NGDN: variants seen among roughly 807,000 people sequenced by gnomAD.
NGDN encodes the protein neuroguidin.
NGDN carries 41 observed loss-of-function variants against 45.2 expected under a neutral mutation model. The ratio of observed to expected loss-of-function variants is 0.91; its 90% confidence interval spans 0.71 to 1.18. The LOEUF is 1.18. Ranked by LOEUF, NGDN falls within the 50% of genes most tolerant of loss-of-function variation. NGDN has a pLI of 0.00. For missense variants in NGDN, 402 were observed against 399.9 expected, an observed-to-expected ratio of 1.01 and a Z score of -0.05; for synonymous variants, 137 against 130.9, an observed-to-expected ratio of 1.05 and a Z score of -0.32.
rs1287292119 is a variant in NGDN, at chr14:23,469,737, G to A, written c.12+10G>A. The A allele has an allele frequency of 3.7e-6, 6 of 1,614,192 alleles. No homozygotes were observed. In the South Asian group the frequency reaches 5.5e-5, roughly 15 times the overall value. On this transcript the variant is annotated intron_variant, in intron 1 of 10. Coordinates refer to ENST00000408901, the MANE Select transcript of NGDN (RefSeq NM_001042635.2). Reference sequence around the variant, plus strand: ...GAAGATGGCGGCGCTGGTGAGTTTGGTGTGGTTTCTTCCTCGCGTAGCTAT... The same window carrying A: ...GAAGATGGCGGCGCTGGTGAGTTTGATGTGGTTTCTTCCTCGCGTAGCTAT...
intron 10 of NGDN, 133 bp from the exon 11 acceptor site, chr14:23,477,873 TC>T: frequency 6.4e-7 from 1 of 1,563,684 alleles, no homozygotes; most frequent in South Asian, 1.2e-5. Context: ...TCGTCTTTTG[TC>T]CTGGGAAGAT....
rs998335248 is a variant in NGDN at position 23,473,622 on chromosome 14, C to T, written c.145-1549C>T. ...CAGGTGGATCACGAGGTCAGGAGTT[C>T]GAGACCAGCCTGGCCAACATGGCGA... On this transcript the variant is annotated intron_variant, in intron 3 of 10. Transcript: ENST00000408901. 7.2e-5 allele frequency among the ~76,000 whole-genome samples: 11 copies of T among 151,872 alleles called. No individual in the cohort carries two copies. The East Asian group carries it at 7.8e-4, about 11-fold the overall frequency.
At position 23,473,645 on chromosome 14, in the gene NGDN, C is replaced by T. The variant is rs143396735; in HGVS notation, c.145-1526C>T. Among the ~76,000 whole-genome samples the T allele has an allele frequency of 2.3e-3, 351 of 151,862 alleles. 7 individuals carry two copies. Among genetic ancestry groups the T allele is most frequent in the African/African-American group, 8.0e-3 (330 of 41,422 alleles). On this transcript the variant is annotated intron_variant, in intron 3 of 10. Transcript: ENST00000408901. ...TTCGAGACCAGCCTGGCCAACATGG[C>T]GAAACCCCGTCTCTTAAATCTTAAA...
intron 3 of NGDN, among the ~76,000 whole-genome samples, chr14:23,473,039 G>T (rs1159872099): frequency 6.6e-6 from 1 of 151,966 alleles, no homozygotes; most frequent in African/African-American, 2.4e-5. Context: ...TCCCTCTGTC[G>T]CCCCGGCTGG....
intron 10 of NGDN, 38 bp downstream of exon 10, chr14:23,477,598 G>A (rs771598220): frequency 1.9e-6 from 3 of 1,612,956 alleles, no homozygotes; most frequent in Non-Finnish European, 2.5e-6. Context: ...TCAGGTGCAA[G>A]GTGGGGAGTA....
intron 3 of NGDN, among the ~76,000 whole-genome samples, chr14:23,472,458 C>G (rs1049153422): frequency 4.6e-5 from 7 of 152,116 alleles, no homozygotes; most frequent in Admixed American, 1.3e-4. Flanking sequence ...CGTGATCATG[C>G]CACTGTGCTG....
intron 3 of NGDN, among the ~76,000 whole-genome samples, chr14:23,473,635 G>C (rs1006423713): frequency 1.3e-5 from 2 of 151,972 alleles, no homozygotes; most frequent in African/African-American, 4.8e-5. Flanking sequence ...GACCAGCCTG[G>C]CCAACATGGC....
chr14:23,469,814 G>C, intron 1 of NGDN, 87 bp downstream of exon 1: 1 of 1,550,472 alleles, frequency 6.4e-7, no homozygotes, highest in Non-Finnish European at 8.9e-7. Flanking sequence ...TTGGTACCAG[G>C]GAAGGGTGGT....
intron 3 of NGDN, among the ~76,000 whole-genome samples, chr14:23,474,526 G>C (rs1252102773): frequency 6.6e-6 from 1 of 151,544 alleles, no homozygotes; most frequent in Non-Finnish European, 1.5e-5. Context: ...CTTGTGTGTT[G>C]TCTTGTAGAC....
rs750629107 is a variant in NGDN, at chr14:23,475,688, T to A, written c.368-38T>A. The A allele has an allele frequency of 2.5e-6, 4 of 1,613,990 alleles. No individual in the cohort carries two copies. The South Asian group carries it at 4.4e-5, about 18-fold the overall frequency. On this transcript the variant is annotated intron_variant, in intron 5 of 10. Transcript: ENST00000408901. ...GAAGTTGTGGGGACCATCAGAAAGT[T>A]CCAAATTTTGTAAAATTCATTGGGT... is the stretch of plus-strand genomic sequence containing the variant.
intron 2 of NGDN, 120 bp downstream of exon 2, chr14:23,470,221 A>C (rs1178541620): frequency 4.8e-6 from 4 of 829,946 alleles, no homozygotes; most frequent in African/African-American, 1.7e-5. Context: ...GAGTAAAATG[A>C]TGTAATCAAA....
chr14:23,471,499 C>T (rs1893777150), intron 3 of NGDN: 1 of 152,320 alleles, frequency 6.6e-6, no homozygotes, highest in Non-Finnish European at 1.5e-5. Context: ...TTAATTGGGA[C>T]ATATCACTTA....
intron 3 of NGDN, among the ~76,000 whole-genome samples, chr14:23,471,763 A>T (rs564619578): frequency 1.3e-5 from 2 of 150,690 alleles, no homozygotes; most frequent in East Asian, 2.0e-4. Context: ...GTAAGCTGTG[A>T]TTGTGCCACT....
In NGDN at chr14:23,469,817, A is replaced by C. The variant is rs1257564986; in HGVS notation, c.12+90A>C. 3.2e-6 allele frequency: 5 copies of C among 1,543,786 alleles called. No individual in the cohort carries two copies. In the Admixed American group the frequency reaches 8.7e-5, roughly 27 times the overall value. ...GGAGGCAAACTGTTGGTACCAGGGA[A>C]GGGTGGTGATGAAAGTTGCTTCAGG... On this transcript the variant is annotated intron_variant, in intron 1 of 10. Coordinates refer to ENST00000408901, the MANE Select transcript of NGDN (RefSeq NM_001042635.2).
intron 3 of NGDN, 50 bp from the exon 4 acceptor site, chr14:23,475,121 T>C: frequency 6.4e-7 from 1 of 1,572,550 alleles, no homozygotes; most frequent in Non-Finnish European, 8.6e-7. Context: ...TTTCATCTGG[T>C]TCTTTGGCTA....
rs145993015 is a variant in NGDN, at chr14:23,471,843, C to T, written c.144+866C>T. Among the ~76,000 whole-genome samples the T allele has an allele frequency of 8.2e-4, 125 of 151,936 alleles. 2 individuals carry two copies. Among genetic ancestry groups the T allele is most frequent in the Admixed American group, 7.5e-3 (115 of 15,252 alleles). On this transcript the variant is annotated intron_variant, in intron 3 of 10. Transcript: ENST00000408901. The stretch of plus-strand genomic sequence containing the variant: ...AAAAAAAATTGCTTATGACATAATA[C>T]CAAGATGCCAGTGACTGAAACATGC...
In NGDN at chr14:23,475,707, A is replaced by G; in HGVS notation, c.368-19A>G. ...GAAAGTTCCAAATTTTGTAAAATTCATTGGGTTATTTATTTCAGGTGAGAA... is the reference window on the plus strand; with the variant it reads ...GAAAGTTCCAAATTTTGTAAAATTCGTTGGGTTATTTATTTCAGGTGAGAA... On this transcript the variant is annotated intron_variant, in intron 5 of 10. Coordinates refer to ENST00000408901, the MANE Select transcript of NGDN (RefSeq NM_001042635.2). The G allele has an allele frequency of 6.2e-7, 1 of 1,614,084 alleles. No individual in the cohort carries two copies. The highest frequency in any genetic ancestry group is 1.1e-5 in the South Asian group (1 of 91,070).
intron 10 of NGDN, 143 bp downstream of exon 10, chr14:23,477,703 ATT>A: frequency 6.8e-7 from 1 of 1,475,326 alleles, no homozygotes; most frequent in Non-Finnish European, 9.0e-7. Flanking sequence ...GTGGGCTTTT[ATT>A]TTTTGCTTTC....
At chr14:23,470,485 G>A (rs2138719357) in intron 2 of NGDN, among the ~76,000 whole-genome samples, 1 of 152,216 alleles carries the variant, frequency 6.6e-6, no homozygotes, top group Middle Eastern at 3.4e-3. Context: ...CGAAATTTAG[G>A]CTTGATGCCG....
Sources: gnomAD v4.1 joint callset for allele counts (sites outside exome capture counted in the v4.1 genomes callset) on GRCh38, gnomAD v4.1.1 for gene constraint, MANE v1.5 for transcripts, NCBI Gene and HGNC (gene_info 2026-07-23, HGNC 2026-07-21) for gene names.